Variants in TMEM178B observed in about 807,000 individuals in gnomAD.
The protein encoded by TMEM178B is transmembrane protein 178B.
In TMEM178B, 5 loss-of-function variants were observed where a neutral mutation model predicts 31.0. The observed-to-expected ratio is 0.16, with a 90% CI of 0.08 to 0.34. TMEM178B has a LOEUF of 0.34. Ranked by LOEUF, TMEM178B falls within the 10% of genes least tolerant of loss-of-function variation. TMEM178B has a pLI of 1.00. For synonymous variants in TMEM178B, 164 were observed against 164.0 expected, an observed-to-expected ratio of 1.00 and a Z score of 0.00; for missense variants, 275 against 400.3, an observed-to-expected ratio of 0.69 and a Z score of 2.67.
intron 2 of TMEM178B, among the ~76,000 whole-genome samples, chr7:141,369,223 G>A (rs975619591): frequency 2.6e-5 from 4 of 151,992 alleles, no homozygotes; most frequent in African/African-American, 9.7e-5. Context: ...TAATAAAGAT[G>A]TAGTTTCTTA....
At chr7:141,102,316 A>C (rs1381476406) in intron 1 of TMEM178B, among the ~76,000 whole-genome samples, 2 of 152,182 alleles carry the variant, frequency 1.3e-5, no homozygotes, top group African/African-American at 4.8e-5. Context: ...TCTTATGAAG[A>C]AAGGTTTTTA....
At chr7:141,118,547 A>G (rs1331373598) in intron 1 of TMEM178B, among the ~76,000 whole-genome samples, 1 of 152,178 alleles carries the variant, frequency 6.6e-6, no homozygotes, top group African/African-American at 2.4e-5. Flanking sequence ...GGTGATGGTG[A>G]TTATTCTAGT....
chr7:141,253,139 C>T (rs1431344656), intron 2 of TMEM178B, among the ~76,000 whole-genome samples: 1 of 152,262 alleles, frequency 6.6e-6, no homozygotes, highest in African/African-American at 2.4e-5. Context: ...TGCAGGCTCT[C>T]AGGCACACAC....
chr7:141,178,356 G>A (rs1389544433), intron 1 of TMEM178B, among the ~76,000 whole-genome samples: 1 of 152,136 alleles, frequency 6.6e-6, no homozygotes, highest in Non-Finnish European at 1.5e-5. Flanking sequence ...ATTAATTATT[G>A]TAAAGAAATT....
At chr7:141,300,838 CTCTT>C (rs1234682564) in intron 2 of TMEM178B, among the ~76,000 whole-genome samples, 3 of 152,266 alleles carry the variant, frequency 2.0e-5, no homozygotes, top group Admixed American at 6.5e-5. Context: ...TTCCTCTTTT[CTCTT>C]TCTATGTTCA....
downstream of TMEM178B, among the ~76,000 whole-genome samples, chr7:141,483,055 G>A (rs1003298053): frequency 1.6e-4 from 24 of 152,278 alleles, no homozygotes; most frequent in Admixed American, 1.5e-3. Flanking sequence ...CACATTGTTA[G>A]CATCAACTAT....
In TMEM178B at chr7:141,076,014, C is replaced by G. The variant is rs551443942; in HGVS notation, c.382+1322C>G. On this transcript the variant is annotated intron_variant, in intron 1 of 3. Coordinates refer to ENST00000565468, the MANE Select transcript of TMEM178B (RefSeq NM_001195278.2). Reference sequence around the variant, plus strand: ...AGGTGGCTTCAGAGACAGAATCTATCTGTTTGTTTTATAGCTTCTTTAGAA... The same window carrying G: ...AGGTGGCTTCAGAGACAGAATCTATGTGTTTGTTTTATAGCTTCTTTAGAA... 1.8e-4 allele frequency among the ~76,000 whole-genome samples: 27 copies of G among 152,214 alleles called. No homozygotes were observed. The South Asian group carries it at 5.6e-3, about 32-fold the overall frequency.
At chr7:141,085,979 A>G (rs1018688139) in intron 1 of TMEM178B, among the ~76,000 whole-genome samples, 3 of 152,176 alleles carry the variant, frequency 2.0e-5, no homozygotes, top group African/African-American at 7.2e-5. Context: ...ATAATGATGT[A>G]TGGTATATTC....
At chr7:141,182,006 C>T (rs1270361344) in intron 1 of TMEM178B, among the ~76,000 whole-genome samples, 1 of 152,218 alleles carries the variant, frequency 6.6e-6, no homozygotes, top group African/African-American at 2.4e-5. Context: ...ATCATTCAGG[C>T]TAGACCTTGA....
In TMEM178B at chr7:141,398,735, A is replaced by G. The variant is rs1436044929; in HGVS notation, c.497-38873A>G. On this transcript the variant is annotated intron_variant, in intron 2 of 3. Transcript: ENST00000565468. Reference sequence around the variant, plus strand: ...GGGGGTACTGTGGGAGGGCTTCAGCAAGCCCAGGGTTGGCAGGTGATTCAG... The same window carrying G: ...GGGGGTACTGTGGGAGGGCTTCAGCGAGCCCAGGGTTGGCAGGTGATTCAG... 3.3e-5 allele frequency among the ~76,000 whole-genome samples: 5 copies of G among 152,218 alleles called. No homozygotes were observed. The East Asian group carries it at 9.6e-4, about 29-fold the overall frequency.
rs373483989 is a variant in TMEM178B at position 141,475,876 on chromosome 7, G to C, written c.*5090G>C. 2 of 151,750 alleles carry C rather than the reference G, an allele frequency of 1.3e-5. No individual in the cohort carries two copies. The highest frequency in any genetic ancestry group is 4.8e-5 in the African/African-American group (2 of 41,352). 9.4% of individuals were successfully genotyped at this position (151,750 alleles called of 1,614,324 possible). A position where few individuals can be genotyped will look rare whatever the true frequency, so the allele number is the denominator to read the frequency against. On this transcript the variant is annotated 3_prime_UTR_variant, in exon 4 of 4. Transcript: ENST00000565468. ...GTAACTCACTCATTAAGCTACACTT[G>C]TGTAACAGTTACTGTAAATTTCACT...
intron 1 of TMEM178B, among the ~76,000 whole-genome samples, chr7:141,110,364 T>C (rs534002771): frequency 6.6e-6 from 1 of 152,342 alleles, no homozygotes; most frequent in African/African-American, 2.4e-5. Context: ...AACATATAGT[T>C]ACATCAGAAC....
intron 3 of TMEM178B, among the ~76,000 whole-genome samples, chr7:141,448,135 C>T (rs1049606367): frequency 6.6e-6 from 1 of 152,042 alleles, no homozygotes; most frequent in Admixed American, 6.6e-5. Context: ...ATGTGTGCCT[C>T]TTTCCTTATG....
chr7:141,349,248 G>A (rs1799670644), intron 2 of TMEM178B, among the ~76,000 whole-genome samples: 1 of 152,000 alleles, frequency 6.6e-6, no homozygotes, highest in Non-Finnish European at 1.5e-5. Context: ...TTTCCTTTCT[G>A]TATTGAGCTT....
intron 2 of TMEM178B, among the ~76,000 whole-genome samples, chr7:141,400,644 T>A (rs1405286176): frequency 6.6e-6 from 1 of 152,230 alleles, no homozygotes; most frequent in Non-Finnish European, 1.5e-5. Context: ...GGTGTTTAAA[T>A]CCTTTTGCAA....
At chr7:141,249,507 G>A (rs545447177) in intron 2 of TMEM178B, among the ~76,000 whole-genome samples, 15 of 152,372 alleles carry the variant, frequency 9.8e-5, no homozygotes, top group African/African-American at 3.6e-4. Context: ...AAATGTGGAA[G>A]CGACATTGGA....
At chr7:141,263,644 C>T (rs116530323) in intron 2 of TMEM178B, among the ~76,000 whole-genome samples, 63 of 152,240 alleles carry the variant, frequency 4.1e-4, no homozygotes, top group African/African-American at 1.4e-3. Context: ...CTTATGATGA[C>T]GACAGGGGAT....
chr7:141,102,784 C>T (rs1390319174), intron 1 of TMEM178B, among the ~76,000 whole-genome samples: 6 of 152,186 alleles, frequency 3.9e-5, no homozygotes, highest in Non-Finnish European at 5.9e-5. Flanking sequence ...TATATTTGCA[C>T]AGTGTTTTTG....
At chr7:141,482,297 G>C (rs953295060), downstream of TMEM178B, among the ~76,000 whole-genome samples, 1 of 152,172 alleles carries the variant, frequency 6.6e-6, no homozygotes, top group African/African-American at 2.4e-5. Context: ...TCTCCTCCAG[G>C]AAGCCTTCCT....
Sources: allele counts gnomAD v4.1 joint callset (sites outside exome capture counted in the v4.1 genomes callset), GRCh38; gene constraint gnomAD v4.1.1; transcripts MANE v1.5; gene names NCBI Gene and HGNC (gene_info 2026-07-23, HGNC 2026-07-21).